The following KCNH7 variants were observed in gnomAD, a reference collection of about 807,000 sequenced individuals.
KCNH7 encodes the protein voltage-gated inwardly rectifying potassium channel KCNH7.
In KCNH7, 49 loss-of-function variants were observed where a neutral mutation model predicts 120.8. The ratio of observed to expected loss-of-function variants is 0.41; its 90% CI spans 0.32 to 0.51. The LOEUF is 0.51. Among genes scored for constraint, KCNH7 ranks in the 20% least tolerant of loss-of-function variants. The pLI is 0.38. For synonymous variants in KCNH7, 547 were observed against 516.1 expected (o/e 1.06, Z -0.81); for missense variants, 1,097 against 1,446.6 (o/e 0.76, Z 3.92).
chr2:162,609,699 G>C (rs1682895959), intron 2 of KCNH7, among the ~76,000 whole-genome samples: 1 of 152,156 alleles, frequency 6.6e-6, no homozygotes, highest in Non-Finnish European at 1.5e-5. Flanking sequence ...TTTGAAGGGA[G>C]AGTTGGCAGA....
intron 2 of KCNH7, among the ~76,000 whole-genome samples, chr2:162,828,600 G>A (rs1298595796): frequency 6.6e-6 from 1 of 151,804 alleles, no homozygotes; most frequent in Non-Finnish European, 1.5e-5. Flanking sequence ...AAGAGAGAAG[G>A]AACAAAATAA....
At chr2:162,776,436 G>GA (rs750139023) in intron 2 of KCNH7, among the ~76,000 whole-genome samples, 23 of 152,068 alleles carry the variant, frequency 1.5e-4, no homozygotes, top group Non-Finnish European at 3.2e-4. Flanking sequence ...TTGATTTGAA[G>GA]ACTGTATTTT....
intron 2 of KCNH7, among the ~76,000 whole-genome samples, chr2:162,541,392 A>G (rs1381830772): frequency 6.6e-6 from 1 of 152,202 alleles, no homozygotes; most frequent in East Asian, 1.9e-4. Flanking sequence ...TGAGGTAGAA[A>G]GATAATCAAG....
chr2:162,796,557 T>C (rs1684154927), intron 2 of KCNH7: 1 of 152,140 alleles, frequency 6.6e-6, no homozygotes, highest in Admixed American at 6.6e-5. Context: ...TCTATGGTTA[T>C]GCCCTACCCA....
chr2:162,499,134 C>G (rs1266769219), intron 6 of KCNH7, among the ~76,000 whole-genome samples: 2 of 151,956 alleles, frequency 1.3e-5, no homozygotes, highest in African/African-American at 4.8e-5. Context: ...AATATGGCAA[C>G]AAAATAATAT....
At chr2:162,802,421 C>CA (rs1190207697) in intron 2 of KCNH7, among the ~76,000 whole-genome samples, 1 of 151,534 alleles carries the variant, frequency 6.6e-6, no homozygotes, top group Admixed American at 6.6e-5. Flanking sequence ...AAACTTCTGC[C>CA]AAAAGCTACC....
chr2:162,722,020 A>G (rs1008190322), intron 2 of KCNH7, among the ~76,000 whole-genome samples: 2 of 152,094 alleles, frequency 1.3e-5, no homozygotes, highest in African/African-American at 4.8e-5. Context: ...ATCATGACAT[A>G]CTTCTTTATG....
intron 2 of KCNH7, among the ~76,000 whole-genome samples, chr2:162,800,966 C>A (rs771525594): frequency 1.3e-5 from 2 of 151,784 alleles, no homozygotes; most frequent in Admixed American, 6.6e-5. Flanking sequence ...GCTGGCTTTT[C>A]TCTCCTTGTA....
rs1244955682 is a variant in KCNH7 at position 162,570,263 on chromosome 2, T to G, written c.308-33183A>C. On this transcript the variant is annotated intron_variant, in intron 2 of 15. Transcript: ENST00000332142. The stretch of plus-strand genomic sequence containing the variant: ...GGATAGTTAGCTCTTCTTGTTGAAT[T>G]GATCCCTTTACCATTATGTAATGGC... 4.6e-5 allele frequency among the ~76,000 whole-genome samples: 7 copies of G among 150,950 alleles called. No homozygotes were observed. The East Asian group carries it at 1.2e-3, about 25-fold the overall frequency.
At chr2:162,677,044 T>C (rs1326309389) in intron 2 of KCNH7, among the ~76,000 whole-genome samples, 1 of 151,536 alleles carries the variant, frequency 6.6e-6, no homozygotes, top group African/African-American at 2.4e-5. Context: ...ATCCCTTAAC[T>C]TGTGTAATTG....
intron 2 of KCNH7, among the ~76,000 whole-genome samples, chr2:162,820,769 T>C (rs1573929604): frequency 6.6e-6 from 1 of 152,212 alleles, no homozygotes; most frequent in Non-Finnish European, 1.5e-5. Flanking sequence ...CACTTTCCTT[T>C]AACTTTCCTC....
chr2:162,585,209 G>A (rs1026002903), intron 2 of KCNH7, among the ~76,000 whole-genome samples: 2 of 152,048 alleles, frequency 1.3e-5, no homozygotes, highest in African/African-American at 4.8e-5. Flanking sequence ...ATTTGGAAAC[G>A]TAAATAGGAC....
At chr2:162,430,665 G>A (rs374350363) in intron 8 of KCNH7, among the ~76,000 whole-genome samples, 1 of 151,622 alleles carries the variant, frequency 6.6e-6, no homozygotes, top group African/African-American at 2.4e-5. Flanking sequence ...TATATATTTT[G>A]TTCAGTTTTC....
At chr2:162,485,633 G>A (rs957576722) in intron 6 of KCNH7, among the ~76,000 whole-genome samples, 10 of 152,132 alleles carry the variant, frequency 6.6e-5, no homozygotes, top group Non-Finnish European at 1.3e-4. Context: ...GATTCTGAAC[G>A]TAGTAAGAAA....
rs757139062 is a variant in KCNH7, at chr2:162,435,238, A to G, written c.1914T>C (p.Asn638=). The change falls in exon 8 of 16, where the codon AAT becomes AAC. Residue 638 remains asparagine, a synonymous_variant. Coordinates refer to ENST00000332142, the MANE Select transcript of KCNH7 (RefSeq NM_033272.4). ...VGFGNVSPNT[N]SEKIFSICVM... ...CACAAATTGAAAAGATTTTCTCCGAATTCGTGTTAGGAGACACATTCCCGA... is the reference window on the plus strand; with the variant it reads ...CACAAATTGAAAAGATTTTCTCCGAGTTCGTGTTAGGAGACACATTCCCGA... The G allele has an allele frequency of 4.3e-6, 7 of 1,613,588 alleles. No individual in the cohort carries two copies. Among genetic ancestry groups the G allele is most frequent in the South Asian group, 2.2e-5 (2 of 91,062 alleles).
chr2:162,676,553 A>C (rs1685535344), intron 2 of KCNH7, among the ~76,000 whole-genome samples: 1 of 151,522 alleles, frequency 6.6e-6, no homozygotes, highest in African/African-American at 2.4e-5. Flanking sequence ...CAAAATAGAA[A>C]GAACCAATTG....
intron 2 of KCNH7, among the ~76,000 whole-genome samples, chr2:162,830,242 G>T (rs925779741): frequency 1.3e-5 from 2 of 152,064 alleles, no homozygotes; most frequent in African/African-American, 2.4e-5. Context: ...TTCATTATAG[G>T]TAAAGAAAAA....
At chr2:162,622,110 T>C (rs1364865618) in intron 2 of KCNH7, among the ~76,000 whole-genome samples, 1 of 152,214 alleles carries the variant, frequency 6.6e-6, no homozygotes, top group African/African-American at 2.4e-5. Flanking sequence ...AAGGCTTAAA[T>C]TAAACTCCTA....
intron 2 of KCNH7, among the ~76,000 whole-genome samples, chr2:162,677,446 T>C (rs1317014121): frequency 6.6e-6 from 1 of 151,436 alleles, no homozygotes; most frequent in African/African-American, 2.4e-5. Context: ...CCTCAGATAC[T>C]CTTTTGTGCC....
Sources: gnomAD v4.1 joint callset for allele counts (sites outside exome capture counted in the v4.1 genomes callset) on GRCh38, gnomAD v4.1.1 for gene constraint, MANE v1.5 for transcripts, NCBI Gene and HGNC (gene_info 2026-07-23, HGNC 2026-07-21) for gene names.